PRORP: variants seen among roughly 807,000 people sequenced by gnomAD.
The protein encoded by PRORP is mitochondrial ribonuclease P catalytic subunit.
A neutral mutation model predicts 59.4 loss-of-function variants in PRORP; 51 were observed. That is an observed-to-expected ratio of 0.86 (90% CI 0.69 to 1.08). PRORP has a LOEUF of 1.08. Ranked by LOEUF, PRORP falls within the 50% of genes least tolerant of loss-of-function variation. The probability of loss-of-function intolerance (pLI) is 0.00; values close to 1 mark genes in which losing one functional copy is unlikely to be tolerated. For synonymous variants in PRORP, 231 were observed against 245.6 expected (o/e 0.94, Z 0.55); for missense variants, 646 against 690.3 (o/e 0.94, Z 0.72).
intron 4 of PRORP, chr14:35,159,038 C>A: frequency 3.5e-6 from 1 of 284,662 alleles, no homozygotes. Flanking sequence ...AGAAGAAATC[C>A]ACAGAAGAAC....
At chr14:35,207,521 T>C (rs974537662) in intron 5 of PRORP, among the ~76,000 whole-genome samples, 3 of 152,230 alleles carry the variant, frequency 2.0e-5, no homozygotes, top group Non-Finnish European at 2.9e-5. Context: ...TTTTCTACTA[T>C]TCCATGTTGC....
At chr14:35,131,749 G>A (rs1332348807) in intron 4 of PRORP, among the ~76,000 whole-genome samples, 4 of 151,790 alleles carry the variant, frequency 2.6e-5, no homozygotes, top group Non-Finnish European at 5.9e-5. Flanking sequence ...GGCTGATCTC[G>A]AACTCCTGAC....
At chr14:35,221,728 A>G (rs935314989) in intron 5 of PRORP, among the ~76,000 whole-genome samples, 1 of 152,140 alleles carries the variant, frequency 6.6e-6, no homozygotes, top group Non-Finnish European at 1.5e-5. Context: ...CTGGCCTCCC[A>G]TGGTCATGCC....
chr14:35,158,457 G>T, intron 4 of PRORP: 1 of 288,526 alleles, frequency 3.5e-6, no homozygotes, highest in Non-Finnish European at 7.0e-6. Context: ...GAGGTAAATG[G>T]TCCTTCTTCT....
At chr14:35,133,542 G>C (rs1027400689) in intron 4 of PRORP, among the ~76,000 whole-genome samples, 5 of 152,104 alleles carry the variant, frequency 3.3e-5, no homozygotes, top group Admixed American at 6.5e-5. Flanking sequence ...GTGATGTCCT[G>C]TTTTCCTGGA....
At chr14:35,234,179 T>A (rs2050148385) in intron 5 of PRORP, among the ~76,000 whole-genome samples, 1 of 152,216 alleles carries the variant, frequency 6.6e-6, no homozygotes, top group Non-Finnish European at 1.5e-5. Context: ...GAAGTATGTT[T>A]ACTTGCACGT....
At chr14:35,125,701 G>A (rs898483274) in intron 2 of PRORP, among the ~76,000 whole-genome samples, 1 of 152,128 alleles carries the variant, frequency 6.6e-6, no homozygotes, top group Non-Finnish European at 1.5e-5. Flanking sequence ...GAATACCAAG[G>A]AGTTTGGATT....
At chr14:35,166,448 CTTTTT>C (rs55916577) in intron 4 of PRORP, among the ~76,000 whole-genome samples, 4 of 96,040 alleles carry the variant, frequency 4.2e-5, no homozygotes, top group Admixed American at 1.2e-4. Context: ...TTATCTGAAT[CTTTTT>C]TTTTTTTTTT....
At chr14:35,186,566 C>T (rs937086589) in intron 5 of PRORP, among the ~76,000 whole-genome samples, 3 of 151,584 alleles carry the variant, frequency 2.0e-5, no homozygotes, top group Non-Finnish European at 2.9e-5. Context: ...CACTAGTCTT[C>T]ATTCTGTCTT....
intron 5 of PRORP, among the ~76,000 whole-genome samples, chr14:35,196,552 G>C (rs2049014371): frequency 6.6e-6 from 1 of 152,140 alleles, no homozygotes; most frequent in Non-Finnish European, 1.5e-5. Flanking sequence ...TGACTCCTTA[G>C]TTTTAAGGAG....
At chr14:35,203,647 A>G (rs1227710295) in intron 5 of PRORP, among the ~76,000 whole-genome samples, 1 of 152,096 alleles carries the variant, frequency 6.6e-6, no homozygotes, top group East Asian at 1.9e-4. Flanking sequence ...GGCGGATCAC[A>G]AGGTCAGGAG....
At chr14:35,207,220 A>G (rs1002485045) in intron 5 of PRORP, among the ~76,000 whole-genome samples, 1 of 152,204 alleles carries the variant, frequency 6.6e-6, no homozygotes. Context: ...CATGAGATAC[A>G]TGCTGAAATG....
chr14:35,224,358 G>A (rs1032210670), intron 5 of PRORP, among the ~76,000 whole-genome samples: 7 of 152,104 alleles, frequency 4.6e-5, no homozygotes, highest in Admixed American at 2.0e-4. Context: ...AACTTGCTGT[G>A]GGATATATGT....
chr14:35,187,233 A>T (rs180705003), intron 5 of PRORP, among the ~76,000 whole-genome samples: 1 of 152,238 alleles, frequency 6.6e-6, no homozygotes, highest in East Asian at 1.9e-4. Flanking sequence ...GAACTTCCCA[A>T]CTGTTTTCCA....
chr14:35,259,227 T>C (rs1251275981), intron 5 of PRORP, among the ~76,000 whole-genome samples: 1 of 152,258 alleles, frequency 6.6e-6, no homozygotes, highest in African/African-American at 2.4e-5. Flanking sequence ...TAATTTTCTC[T>C]GCTCTGAAGT....
At chr14:35,251,969 G>A (rs1380999886) in intron 5 of PRORP, among the ~76,000 whole-genome samples, 2 of 152,152 alleles carry the variant, frequency 1.3e-5, no homozygotes, top group African/African-American at 4.8e-5. Context: ...TCCTACCTTG[G>A]ACCAGAATAC....
rs900049124 is a variant in PRORP at position 35,169,427 on chromosome 14, T to G, written c.1168-11243T>G. The stretch of plus-strand genomic sequence containing the variant: ...CTATTCTCACACTGCTATAAAGAAC[T>G]GCCTGAGCGTGGGTAAATTTACAAA... On this transcript the variant is annotated intron_variant, in intron 4 of 7. Transcript: ENST00000534898. 2.0e-5 allele frequency among the ~76,000 whole-genome samples: 3 copies of G among 151,296 alleles called. No individual in the cohort carries two copies. The East Asian group carries it at 5.8e-4, about 29-fold the overall frequency.
intron 4 of PRORP, among the ~76,000 whole-genome samples, chr14:35,180,066 A>G (rs897116262): frequency 1.3e-5 from 2 of 152,134 alleles, no homozygotes; most frequent in Admixed American, 1.3e-4. Context: ...CTGAACAGCA[A>G]ATATTGCTGC....
chr14:35,271,139 G>T (rs1458906394), intron 7 of PRORP, among the ~76,000 whole-genome samples: 2 of 146,978 alleles, frequency 1.4e-5, no homozygotes, highest in African/African-American at 2.5e-5. Context: ...AATTAATTAT[G>T]TCACAAATTA....
Sources: gnomAD v4.1 joint callset for allele counts (sites outside exome capture counted in the v4.1 genomes callset) on GRCh38, gnomAD v4.1.1 for gene constraint, MANE v1.5 for transcripts, NCBI Gene and HGNC (gene_info 2026-07-23, HGNC 2026-07-21) for gene names.